Variants in ALS2 observed in about 807,000 individuals in gnomAD.
ALS2 encodes the protein alsin Rho guanine nucleotide exchange factor ALS2.
Under a neutral mutation model 203.4 loss-of-function variants are expected in ALS2, and 117 were observed. That is an observed-to-expected ratio of 0.58 (90% confidence interval 0.50 to 0.67). The LOEUF (loss-of-function observed/expected upper bound fraction) is 0.67. Ranked by LOEUF, ALS2 falls within the 30% of genes least tolerant of loss-of-function variation. The pLI is 0.00. For missense variants in ALS2, 1,715 were observed against 1,989.4 expected (o/e 0.86, Z 2.62); for synonymous variants, 718 against 725.9 (o/e 0.99, Z 0.17).
At chr2:201,716,409 T>C (rs1017276353) in intron 24 of ALS2, among the ~76,000 whole-genome samples, 3 of 152,016 alleles carry the variant, frequency 2.0e-5, no homozygotes, top group East Asian at 1.9e-4. Context: ...CTGGGCATGG[T>C]GGCACATGCC....
intron 1 of ALS2, among the ~76,000 whole-genome samples, chr2:201,773,053 G>C (rs1243715217): frequency 6.6e-6 from 1 of 151,680 alleles, no homozygotes; most frequent in African/African-American, 2.4e-5. Flanking sequence ...GTAGAGACAG[G>C]GTTTCACTAT....
At chr2:201,749,535 G>A (rs565092629) in intron 8 of ALS2, among the ~76,000 whole-genome samples, 177 bp downstream of exon 8, 1 of 152,104 alleles carries the variant, frequency 6.6e-6, no homozygotes, top group South Asian at 2.1e-4. Flanking sequence ...ATAAAAAACG[G>A]ATATTTAGCT....
At chr2:201,754,478 A>T in intron 6 of ALS2, 25 bp downstream of exon 6, 1 of 1,613,982 alleles carries the variant, frequency 6.2e-7, no homozygotes, top group Non-Finnish European at 8.5e-7. Context: ...GCCAACTTCT[A>T]TCGGTAAATG....
chr2:201,744,457 A>AATATAAC, intron 9 of ALS2, 28 bp from the exon 10 acceptor site: 1 of 1,602,220 alleles, frequency 6.2e-7, no homozygotes, highest in Non-Finnish European at 8.5e-7. Flanking sequence ...AAAAGGATTA[A>AATATAAC]ATATAACATA....
At chr2:201,733,616 A>G (rs1691707885) in intron 12 of ALS2, among the ~76,000 whole-genome samples, 178 bp from the exon 13 acceptor site, 1 of 152,240 alleles carries the variant, frequency 6.6e-6, no homozygotes, top group African/African-American at 2.4e-5. Context: ...TATCTATAAG[A>G]CAGGATTTTT....
Position 201,727,098 on chromosome 2 carries a change from A to G in ALS2, c.2979+114T>C, listed in dbSNP as rs75866639. The G allele has an allele frequency of 3.0e-3, 3,320 of 1,094,820 alleles. 58 individuals carry two copies. The African/African-American group carries it at 0.039, about 13-fold the overall frequency. 67.8% of individuals were successfully genotyped at this position (1,094,820 alleles called of 1,614,324 possible). On this transcript the variant is annotated intron_variant, in intron 17 of 33. Coordinates refer to ENST00000264276, the MANE Select transcript of ALS2 (RefSeq NM_020919.4). ...AGTTTTGGGTTAATGAAGATTTATC[A>G]GACAGAACTGTGCATCATTAGTCAA...
chr2:201,701,404 C>T lies in ALS2; in HGVS notation c.*447G>A, dbSNP rs3219173. 0.01 allele frequency: 1,643 copies of T among 159,680 alleles called. 30 individuals carry two copies. Among genetic ancestry groups the T allele is most frequent in the African/African-American group, 0.037 (1,525 of 41,600 alleles). The allele number at this position is 159,680 out of a possible 1,614,324, so 9.9% of individuals were successfully genotyped here. On this transcript the variant is annotated 3_prime_UTR_variant, in exon 34 of 34. Coordinates refer to ENST00000264276, the MANE Select transcript of ALS2 (RefSeq NM_020919.4). ...AGTGTGGCCACTATAGTTTCAAGTA[C>T]GATCTGGTTCTTGCAAACGGATCGG...
rs1214183945 is a variant in ALS2 at position 201,726,679 on chromosome 2, C to G, written c.3167G>C (p.Gly1056Ala). Residue 1056 changes from glycine to alanine, a missense_variant, in exon 18 of 34, where the codon GGG becomes GCG. By Grantham distance (60) the Gly-to-Ala change is moderately conservative. Around this residue, in one of 3 missense-constraint regions of ALS2, gnomAD observed 1,227 missense variants for 1,413.5 expected, o/e 0.87. Transcript: ENST00000264276. ...ACATTTTCACCTGCCATGAGGCTTC[C>G]CTGAAAGCCAGCGTCCATCATAGGT... Reference protein sequence around the residue: ...DATYDGRWLSGKPHGRGVLKW... With the variant: ...DATYDGRWLSAKPHGRGVLKW... 1 of 1,614,168 alleles carries G rather than the reference C, an allele frequency of 6.2e-7. No individual in the cohort carries two copies. Among genetic ancestry groups the G allele is most frequent in the Non-Finnish European group, 8.5e-7 (1 of 1,180,026 alleles).
intron 12 of ALS2, 118 bp downstream of exon 12, chr2:201,738,552 T>C: frequency 5.2e-6 from 5 of 968,758 alleles, no homozygotes; most frequent in Non-Finnish European, 8.2e-6. Context: ...AGTTTATATT[T>C]TGACTTGTTT....
chr2:201,746,865 T>G, intron 8 of ALS2, 117 bp from the exon 9 acceptor site: 1 of 1,185,854 alleles, frequency 8.4e-7, no homozygotes, highest in Non-Finnish European at 1.2e-6. Flanking sequence ...CAGTCATATC[T>G]GAGAGCAAAC....
intron 1 of ALS2, among the ~76,000 whole-genome samples, chr2:201,772,449 T>A (rs1176132667): frequency 6.6e-6 from 1 of 152,242 alleles, no homozygotes; most frequent in South Asian, 2.1e-4. Context: ...CCTGAACTCA[T>A]CTGACAGCAA....
At chr2:201,764,631 CTCAAAATA>C (rs1369049887) in intron 3 of ALS2, among the ~76,000 whole-genome samples, 8 of 127,218 alleles carry the variant, frequency 6.3e-5, no homozygotes, top group Non-Finnish European at 1.2e-4. Flanking sequence ...GAGACTCCGT[CTCAAAATA>C]AATAAATAAA....
At chr2:201,737,875 T>C (rs1210125219) in intron 12 of ALS2, among the ~76,000 whole-genome samples, 1 of 152,014 alleles carries the variant, frequency 6.6e-6, no homozygotes, top group Middle Eastern at 3.4e-3. Flanking sequence ...TGAGCCAAGA[T>C]TGCGCCACTG....
At chr2:201,766,696 T>C (rs1482872913) in intron 3 of ALS2, among the ~76,000 whole-genome samples, 5 of 126,148 alleles carry the variant, frequency 4.0e-5, no homozygotes, top group East Asian at 2.3e-4. Context: ...CCAACCTACA[T>C]GTCCAACAAG....
chr2:201,731,135 T>C lies in ALS2; in HGVS notation c.2581-1952A>G, dbSNP rs115569769. 6.6e-3 allele frequency among the ~76,000 whole-genome samples: 1,012 copies of C among 152,296 alleles called. 14 individuals are homozygous for C. Among genetic ancestry groups the C allele is most frequent in the African/African-American group, 0.024 (978 of 41,548 alleles). The stretch of plus-strand genomic sequence containing the variant: ...ATCTCTCACGTTTATGAGTAATTAC[T>C]TTACTTGCTACAATTCTGAGAGTCA... On this transcript the variant is annotated intron_variant, in intron 13 of 33. Coordinates refer to ENST00000264276, the MANE Select transcript of ALS2 (RefSeq NM_020919.4).
At chr2:201,728,378 G>C in intron 15 of ALS2, 134 bp downstream of exon 15, 1 of 1,292,512 alleles carries the variant, frequency 7.7e-7, no homozygotes, top group South Asian at 1.2e-5. Flanking sequence ...AGTTTGCTGA[G>C]AATGATGGCT....
In ALS2 at chr2:201,733,356, TCAGTATTTC is replaced by T. The variant is rs773628251; in HGVS notation, c.2491_2499del (p.Glu831_Leu833del). 3.3e-4 allele frequency: 526 copies of T among 1,613,668 alleles called. 4 individuals carry two copies. Among genetic ancestry groups the T allele is most frequent in the Non-Finnish European group, 3.3e-4 (388 of 1,179,848 alleles). ...CTGATTGGCAAGAAAAACAAAGTAT[TCAGTATTTC>T]CATCAACTGAGTGTTTTCGTCATTC... On this transcript the variant is annotated inframe_deletion, in exon 13 of 34. Coordinates refer to ENST00000264276, the MANE Select transcript of ALS2 (RefSeq NM_020919.4).
At chr2:201,769,553 T>A (rs1188389153) in intron 1 of ALS2, among the ~76,000 whole-genome samples, 1 of 152,192 alleles carries the variant, frequency 6.6e-6, no homozygotes, top group Non-Finnish European at 1.5e-5. Context: ...GAATTTTAAA[T>A]CAGCTGTTTT....
chr2:201,739,683 C>T lies in ALS2; in HGVS notation c.2352-948G>A, dbSNP rs561018137. ...GCTTGAACTTGGGAGGCAGAGGTTG[C>T]GGCGAGCCAAGACCGTGCCATTGCA... is the stretch of plus-strand genomic sequence containing the variant. On this transcript the variant is annotated intron_variant, in intron 11 of 33. Coordinates refer to ENST00000264276, the MANE Select transcript of ALS2 (RefSeq NM_020919.4). Among the ~76,000 whole-genome samples, 15 of 149,916 alleles carry T rather than the reference C, an allele frequency of 1.0e-4. No homozygotes were observed. In the South Asian group the frequency reaches 1.3e-3, roughly 13 times the overall value.
Sources: gnomAD v4.1 joint callset for allele counts (sites outside exome capture counted in the v4.1 genomes callset) on GRCh38, gnomAD v4.1.1 for gene constraint, gnomAD v4.1.1 regional missense constraint, MANE v1.5 for transcripts, NCBI Gene and HGNC (gene_info 2026-07-23, HGNC 2026-07-21) for gene names.